The following TBC1D1 variants were observed in gnomAD, a reference collection of about 807,000 sequenced individuals.
The protein encoded by TBC1D1 is TBC1 domain family member 1, also known as TBC1 (tre-2/USP6, BUB2, cdc16) domain family, member 1.
TBC1D1 carries 89 observed loss-of-function variants against 125.6 expected under a neutral mutation model. That is an observed-to-expected ratio of 0.71 (90% CI 0.60 to 0.85). The LOEUF is 0.85. TBC1D1 is among the 40% of genes least tolerant of loss of function. TBC1D1 has a pLI of 0.00. For missense variants in TBC1D1, 1,377 were observed against 1,469.2 expected, an observed-to-expected ratio of 0.94 and a Z score of 1.03; for synonymous variants, 565 against 564.1, an observed-to-expected ratio of 1.00 and a Z score of -0.02.
chr4:38,088,008 G>A (rs1018419487), intron 12 of TBC1D1, among the ~76,000 whole-genome samples: 8 of 150,376 alleles, frequency 5.3e-5, no homozygotes, highest in Middle Eastern at 3.4e-3. Context: ...TCAGGACAGC[G>A]CCTGCCATGC....
chr4:38,039,319 G>A (rs576169962), intron 8 of TBC1D1, among the ~76,000 whole-genome samples: 6 of 151,660 alleles, frequency 4.0e-5, no homozygotes, highest in South Asian at 2.1e-4. Flanking sequence ...GGGTTTCACC[G>A]TGTTAGCCGT....
chr4:38,013,431 C>CCTGTGGG (rs1157637690), intron 2 of TBC1D1, among the ~76,000 whole-genome samples: 1 of 152,070 alleles, frequency 6.6e-6, no homozygotes, highest in African/African-American at 2.4e-5. Flanking sequence ...AGACATAGGG[C>CCTGTGGG]CTGTGGGTAT....
intron 1 of TBC1D1, among the ~76,000 whole-genome samples, chr4:37,900,824 C>T (rs920749544): frequency 6.6e-6 from 1 of 152,188 alleles, no homozygotes; most frequent in African/African-American, 2.4e-5. Flanking sequence ...ATAATCCCAG[C>T]ACTTTGGGAG....
chr4:38,104,748 T>G (rs895434842), intron 15 of TBC1D1, among the ~76,000 whole-genome samples: 1 of 67,678 alleles, frequency 1.5e-5, no homozygotes, highest in Non-Finnish European at 2.7e-5. Context: ...CCCTTAAGGT[T>G]ATTTTTTTTT....
At chr4:38,074,476 T>A (rs1755232167) in intron 12 of TBC1D1, among the ~76,000 whole-genome samples, 1 of 152,210 alleles carries the variant, frequency 6.6e-6, no homozygotes. Flanking sequence ...CCTCAGAATT[T>A]AAGGCACAAC....
chr4:38,021,909 C>A (rs1431504248), intron 6 of TBC1D1, among the ~76,000 whole-genome samples, 191 bp downstream of exon 6: 1 of 152,130 alleles, frequency 6.6e-6, no homozygotes, highest in Non-Finnish European at 1.5e-5. Context: ...GCTGGTGATA[C>A]AAAGATAAGA....
At chr4:37,986,671 C>G (rs937211676) in intron 2 of TBC1D1, among the ~76,000 whole-genome samples, 1 of 152,122 alleles carries the variant, frequency 6.6e-6, no homozygotes, top group Non-Finnish European at 1.5e-5. Context: ...GTCTTGAACT[C>G]CTGACCTCAA....
In TBC1D1 at chr4:38,137,626, G is replaced by A. The variant is rs1766863745; in HGVS notation, c.*291G>A. The stretch of plus-strand genomic sequence containing the variant: ...TAAATGCAACTTATGTTTTCTTGTT[G>A]GTTCCTTTTTGAGTGTCACTGTGTT... On this transcript the variant is annotated 3_prime_UTR_variant, in exon 20 of 20. Coordinates refer to ENST00000261439, the MANE Select transcript of TBC1D1 (RefSeq NM_015173.4). The A allele has an allele frequency of 2.9e-6, 1 of 340,030 alleles. No homozygotes were observed. Among genetic ancestry groups the A allele is most frequent in the African/African-American group, 2.1e-5 (1 of 47,514 alleles). The allele number at this position is 340,030 out of a possible 1,614,324, so 21.1% of individuals were successfully genotyped here.
At chr4:38,006,807 T>C (rs1740370805) in intron 2 of TBC1D1, 3 of 513,748 alleles carry the variant, frequency 5.8e-6, no homozygotes, top group Non-Finnish European at 1.2e-5. Context: ...GCTGCTCTTT[T>C]CCCCTCTCCT....
intron 6 of TBC1D1, 71 bp downstream of exon 6, chr4:38,021,789 T>C: frequency 7.2e-7 from 1 of 1,381,906 alleles, no homozygotes; most frequent in Non-Finnish European, 9.4e-7. Context: ...TAGATGATAC[T>C]CATCTGTTGG....
chr4:38,124,903 AAT>A lies in TBC1D1; in HGVS notation c.2963-58_2963-57del, dbSNP rs1764394988. 2.1e-6 allele frequency: 3 copies of A among 1,462,252 alleles called. No individual in the cohort carries two copies. In the African/African-American group the frequency reaches 4.2e-5, roughly 20 times the overall value. The allele number at this position is 1,462,252 out of a possible 1,614,324, so 90.6% of individuals were successfully genotyped here. On this transcript the variant is annotated intron_variant, in intron 17 of 19. Transcript: ENST00000261439. ...CTGTGATGTGTGGAAAAGGCAATGG[AAT>A]GGTATTGCGTGAGAAACTGGTCTGG...
chr4:38,127,518 G>A (rs1279936615), intron 18 of TBC1D1, among the ~76,000 whole-genome samples: 1 of 151,822 alleles, frequency 6.6e-6, no homozygotes, highest in African/African-American at 2.4e-5. Flanking sequence ...TGAGTACCTG[G>A]GACTATAGGC....
intron 17 of TBC1D1, among the ~76,000 whole-genome samples, chr4:38,119,195 GA>G (rs1763464382): frequency 6.6e-6 from 1 of 152,100 alleles, no homozygotes; most frequent in African/African-American, 2.4e-5. Flanking sequence ...AATGTTCAAA[GA>G]CATTGATACT....
At chr4:38,136,053 T>G (rs1766559066) in intron 19 of TBC1D1, among the ~76,000 whole-genome samples, 1 of 151,874 alleles carries the variant, frequency 6.6e-6, no homozygotes, top group Non-Finnish European at 1.5e-5. Context: ...CACTCCAGGA[T>G]GCAGCTGTGA....
chr4:38,086,476 G>A (rs1309467239), intron 12 of TBC1D1, among the ~76,000 whole-genome samples: 2 of 152,092 alleles, frequency 1.3e-5, no homozygotes, highest in Non-Finnish European at 2.9e-5. Context: ...TAAACTCTTG[G>A]GTTTATTTGC....
chr4:37,992,296 G>T (rs1365872032), intron 2 of TBC1D1, among the ~76,000 whole-genome samples: 1 of 152,084 alleles, frequency 6.6e-6, no homozygotes, highest in Non-Finnish European at 1.5e-5. Context: ...TTGGGCTCGT[G>T]GTGAGAGAAT....
intron 12 of TBC1D1, among the ~76,000 whole-genome samples, chr4:38,070,199 G>C (rs540635297): frequency 1.3e-4 from 20 of 152,332 alleles, no homozygotes; most frequent in Admixed American, 7.8e-4. Flanking sequence ...TGAGTGAGTG[G>C]CATGAATTTC....
intron 2 of TBC1D1, among the ~76,000 whole-genome samples, chr4:37,950,602 C>G (rs1427925607): frequency 2.0e-5 from 3 of 147,652 alleles, no homozygotes; most frequent in South Asian, 2.2e-4. Flanking sequence ...ACAGCCTCCC[C>G]CAATAGCAAC....
rs534892120 is a variant in TBC1D1, at chr4:37,938,563, G to C, written c.417+36051G>C. Among the ~76,000 whole-genome samples, 5 of 152,166 alleles carry C rather than the reference G, an allele frequency of 3.3e-5. No individual in the cohort carries two copies. In the South Asian group the frequency reaches 1.0e-3, roughly 32 times the overall value. The stretch of plus-strand genomic sequence containing the variant: ...TTTTATTATTATACCTTAAGTTCTA[G>C]GGTACATGTGCACAAAGTGCAGGTT... On this transcript the variant is annotated intron_variant, in intron 2 of 19. Coordinates refer to ENST00000261439, the MANE Select transcript of TBC1D1 (RefSeq NM_015173.4).
Sources: gnomAD v4.1 joint callset for allele counts (sites outside exome capture counted in the v4.1 genomes callset) on GRCh38, gnomAD v4.1.1 for gene constraint, MANE v1.5 for transcripts, NCBI Gene and HGNC (gene_info 2026-07-23, HGNC 2026-07-21) for gene names.